The following CFH variants were observed in gnomAD, a reference collection of about 807,000 sequenced individuals.
CFH encodes the protein H factor 1 (complement).
CFH carries 53 observed loss-of-function variants against 147.3 expected under a neutral mutation model. The ratio of observed to expected loss-of-function variants is 0.36; its 90% CI spans 0.29 to 0.45. The LOEUF is 0.45. Among genes scored for constraint, CFH ranks in the 20% least tolerant of loss-of-function variants. The pLI is 1.00. For missense variants in CFH, 1,380 were observed against 1,498.0 expected, an observed-to-expected ratio of 0.92 and a Z score of 1.30; for synonymous variants, 536 against 489.4, an observed-to-expected ratio of 1.10 and a Z score of -1.26.
chr1:196,658,683 C>G (rs545358145), intron 1 of CFH, among the ~76,000 whole-genome samples: 17 of 152,022 alleles, frequency 1.1e-4, no homozygotes, highest in African/African-American at 4.1e-4. Flanking sequence ...CCTTGGCCTC[C>G]CAAAGTGCTG....
intron 9 of CFH, among the ~76,000 whole-genome samples, chr1:196,709,907 A>C (rs553935813): frequency 5.9e-5 from 9 of 152,024 alleles, no homozygotes; most frequent in African/African-American, 2.2e-4. Flanking sequence ...TGCTCAGGAG[A>C]TCTGAGGTGG....
chr1:196,688,093 A>C (rs1667888820), intron 7 of CFH, among the ~76,000 whole-genome samples: 1 of 151,862 alleles, frequency 6.6e-6, no homozygotes, highest in African/African-American at 2.4e-5. Context: ...GTATGTGTGT[A>C]TTGAAATTCT....
chr1:196,701,502 G>C, intron 9 of CFH: 1 of 956,914 alleles, frequency 1.0e-6, no homozygotes, highest in Non-Finnish European at 1.6e-6. Context: ...TGCTAATTCA[G>C]CTCCTCCAGG....
At chr1:196,709,293 A>C (rs907110957) in intron 9 of CFH, among the ~76,000 whole-genome samples, 1 of 152,140 alleles carries the variant, frequency 6.6e-6, no homozygotes, top group African/African-American at 2.4e-5. Flanking sequence ...TAGGGATTAT[A>C]ATTTACATGA....
At chr1:196,720,707 T>A (rs1342923216) in intron 11 of CFH, among the ~76,000 whole-genome samples, 1 of 151,988 alleles carries the variant, frequency 6.6e-6, no homozygotes, top group East Asian at 1.9e-4. Context: ...AATCATCTGT[T>A]GGTGGACAAT....
At chr1:196,693,602 C>T (rs895600766) in intron 9 of CFH, among the ~76,000 whole-genome samples, 6 of 151,916 alleles carry the variant, frequency 3.9e-5, no homozygotes, top group African/African-American at 9.7e-5. Flanking sequence ...ATGCTCTGGG[C>T]GGGATGGAGC....
At chr1:196,658,675 T>C (rs1245604759) in intron 1 of CFH, among the ~76,000 whole-genome samples, 1 of 152,028 alleles carries the variant, frequency 6.6e-6, no homozygotes, top group Admixed American at 6.5e-5. Context: ...TCTGCCGGCC[T>C]TGGCCTCCCA....
intron 15 of CFH, among the ~76,000 whole-genome samples, chr1:196,729,587 A>G (rs1669234601): frequency 6.6e-6 from 1 of 151,940 alleles, no homozygotes; most frequent in South Asian, 2.1e-4. Flanking sequence ...TTTTGGTTCC[A>G]GAGTAATGTT....
chr1:196,672,475 C>T (rs1667315554), intron 1 of CFH, among the ~76,000 whole-genome samples: 1 of 151,296 alleles, frequency 6.6e-6, no homozygotes, highest in African/African-American at 2.4e-5. Context: ...ACTTATCATG[C>T]TAATTTTTGT....
chr1:196,703,843 G>T (rs1248092086), intron 9 of CFH, among the ~76,000 whole-genome samples: 1 of 151,718 alleles, frequency 6.6e-6, no homozygotes, highest in African/African-American at 2.4e-5. Flanking sequence ...AATTAGTCGG[G>T]CATGGTGGTG....
At chr1:196,663,837 T>C (rs1037097454) in intron 1 of CFH, among the ~76,000 whole-genome samples, 1 of 152,164 alleles carries the variant, frequency 6.6e-6, no homozygotes, top group East Asian at 1.9e-4. Context: ...TTCATTTAGG[T>C]TTCCAACTTT....
rs182311678 is a variant in CFH, at chr1:196,737,485, A to G, written c.2607A>G (p.Pro869=). 13 of 1,611,822 alleles carry G rather than the reference A, an allele frequency of 8.1e-6. No individual in the cohort carries two copies. The African/African-American group carries it at 1.1e-4, about 13-fold the overall frequency. ...QSIPLCVEKI[P]CSQPPQIEHG... is the part of the protein sequence containing the mutation. ...TCATTCTTCATTTAGAAAAAATTCC[A>G]TGTTCACAACCACCTCAGATAGAAC... Residue 869 remains proline (P), a synonymous_variant, in exon 17 of 22, where the codon CCA becomes CCG. Coordinates refer to ENST00000367429, the MANE Select transcript of CFH (RefSeq NM_000186.4).
chr1:196,712,773 C>T (rs1310529978), intron 9 of CFH, among the ~76,000 whole-genome samples: 1 of 121,582 alleles, frequency 8.2e-6, no homozygotes, highest in Non-Finnish European at 1.7e-5. Context: ...CCCCTCCCCC[C>T]ACCCCACAGC....
At chr1:196,714,688 G>T (rs1446421670) in intron 10 of CFH, among the ~76,000 whole-genome samples, 115 of 102,208 alleles carry the variant, frequency 1.1e-3, no homozygotes, top group Non-Finnish European at 1.9e-3. Flanking sequence ...GAGAGAGAGA[G>T]AGAGAGAGAG....
At chr1:196,708,972 T>C (rs1407645944) in intron 9 of CFH, among the ~76,000 whole-genome samples, 1 of 152,152 alleles carries the variant, frequency 6.6e-6, no homozygotes, top group African/African-American at 2.4e-5. Flanking sequence ...GCTAAGAACA[T>C]TGAGGCTGAG....
chr1:196,658,012 T>C (rs551626334), intron 1 of CFH, among the ~76,000 whole-genome samples: 2 of 152,256 alleles, frequency 1.3e-5, no homozygotes, highest in African/African-American at 4.8e-5. Flanking sequence ...TGTATGTCAA[T>C]AATAAGTAAT....
intron 1 of CFH, among the ~76,000 whole-genome samples, chr1:196,658,694 G>A (rs1015542726): frequency 2.0e-5 from 3 of 151,802 alleles, no homozygotes; most frequent in Admixed American, 2.0e-4. Context: ...CAAAGTGCTG[G>A]GATTACAGGC....
chr1:196,692,892 TCCC>T (rs1668113484), intron 9 of CFH, among the ~76,000 whole-genome samples: 1 of 110,912 alleles, frequency 9.0e-6, no homozygotes, highest in Non-Finnish European at 1.8e-5. Flanking sequence ...CCTCCCTCCC[TCCC>T]TCCCTCCCTT....
intron 9 of CFH, among the ~76,000 whole-genome samples, chr1:196,709,433 G>A (rs1210575039): frequency 1.3e-5 from 2 of 152,060 alleles, no homozygotes; most frequent in Non-Finnish European, 2.9e-5. Flanking sequence ...CTCTCTCTCT[G>A]TGCCCCGTGT....
Sources: allele counts gnomAD v4.1 joint callset (sites outside exome capture counted in the v4.1 genomes callset), GRCh38; gene constraint gnomAD v4.1.1; transcripts MANE v1.5; gene names NCBI Gene and HGNC (gene_info 2026-07-23, HGNC 2026-07-21).